IGFBP2: variants seen among roughly 807,000 people sequenced by gnomAD.
The protein encoded by IGFBP2 is insulin like growth factor binding protein 2, also known as insulin-like growth factor-binding protein 2.
In IGFBP2, 12 loss-of-function variants were observed where a neutral mutation model predicts 26.2. The observed-to-expected ratio is 0.46, with a 90% CI of 0.29 to 0.74. The LOEUF (loss-of-function observed/expected upper bound fraction) is 0.74. IGFBP2 is among the 30% of genes least tolerant of loss of function. IGFBP2 has a pLI of 0.09. For missense variants in IGFBP2, 328 were observed against 441.2 expected, an observed-to-expected ratio of 0.74 and a Z score of 2.30; for synonymous variants, 189 against 200.6, an observed-to-expected ratio of 0.94 and a Z score of 0.49.
intron 1 of IGFBP2, among the ~76,000 whole-genome samples, chr2:216,644,859 G>A (rs1309505785): frequency 6.6e-6 from 1 of 152,222 alleles, no homozygotes; most frequent in African/African-American, 2.4e-5. Flanking sequence ...GCACAGACCA[G>A]ATTGTAGTCT....
chr2:216,639,476 G>T (rs1161919189), intron 1 of IGFBP2, among the ~76,000 whole-genome samples: 1 of 152,122 alleles, frequency 6.6e-6, no homozygotes, highest in African/African-American at 2.4e-5. Context: ...ACAAAAAGGG[G>T]CTGTGAGGCC....
chr2:216,656,313 C>CCAGG (rs1697922285), intron 1 of IGFBP2, among the ~76,000 whole-genome samples: 1 of 152,170 alleles, frequency 6.6e-6, no homozygotes, highest in Non-Finnish European at 1.5e-5. Flanking sequence ...CTGTGCCCTG[C>CCAGG]CCCCAAGAAA....
intron 2 of IGFBP2, 47 bp from the exon 3 acceptor site, chr2:216,661,811 G>GGCCTGCTGTCCTCACTCCGGGCGTC (rs1468032129): frequency 6.2e-7 from 1 of 1,611,814 alleles, no homozygotes; most frequent in South Asian, 1.1e-5. Flanking sequence ...GTGCTTCGTG[G>GGCCTGCTGTCCTCACTCCGGGCGTC]GCCTGCTGTC....
At position 216,664,276 on chromosome 2, in the gene IGFBP2, C is replaced by CGGCGA; in HGVS notation, c.*172_*173insGGCGA. ...TCGGCACCTCCCCGGCCTCTCTCTT[C>CGGCGA]CCAGCTGCAGATGCCACACCTGCTC... On this transcript the variant is annotated 3_prime_UTR_variant, in exon 4 of 4. Coordinates refer to ENST00000233809, the MANE Select transcript of IGFBP2 (RefSeq NM_000597.3). This position sits in a 1 kb window ranked among gnomAD's most constrained non-coding sequence, Gnocchi z 4.6. 1.2e-5 allele frequency: 6 copies of CGGCGA among 493,910 alleles called. No individual in the cohort carries two copies. Among genetic ancestry groups the CGGCGA allele is most frequent in the South Asian group, 4.4e-5 (1 of 22,832 alleles). The allele number at this position is 493,910 out of a possible 1,614,324, so 30.6% of individuals were successfully genotyped here.
At chr2:216,648,957 A>G (rs1299978733) in intron 1 of IGFBP2, among the ~76,000 whole-genome samples, 1 of 152,214 alleles carries the variant, frequency 6.6e-6, no homozygotes, top group Non-Finnish European at 1.5e-5. Flanking sequence ...GAAAAGTACA[A>G]AGAACAATGT....
intron 1 of IGFBP2, among the ~76,000 whole-genome samples, chr2:216,639,713 G>A (rs1164757603): frequency 6.6e-6 from 1 of 152,102 alleles, no homozygotes; most frequent in Non-Finnish European, 1.5e-5. Context: ...CGCAATCTCG[G>A]TTCACGGCAA....
chr2:216,662,611 A>G (rs903258932), intron 3 of IGFBP2: 3 of 153,076 alleles, frequency 2.0e-5, no homozygotes, highest in African/African-American at 7.3e-5. Context: ...TCCCTCCTCT[A>G]TCCACCTTCT....
At chr2:216,634,109 G>A in intron 1 of IGFBP2, 144 bp downstream of exon 1, 1 of 1,319,408 alleles carries the variant, frequency 7.6e-7, no homozygotes, top group Non-Finnish European at 9.9e-7. Flanking sequence ...CTAGCGGGAC[G>A]CGGAAGTCAG....
intron 1 of IGFBP2, among the ~76,000 whole-genome samples, chr2:216,653,014 C>A (rs1011460869): frequency 2.0e-5 from 3 of 152,120 alleles, no homozygotes; most frequent in Admixed American, 6.6e-5. Context: ...AATGGTAAGT[C>A]TTTCTTCAGA....
In IGFBP2 at chr2:216,660,449, C is replaced by G; in HGVS notation, c.443-108C>G. On this transcript the variant is annotated intron_variant, in intron 1 of 3. Transcript: ENST00000233809. ...TGACAGGCCATCAGCACTCATTAGC[C>G]GCGCGTCATCTCCACCCTCATCATC... 4.0e-6 allele frequency: 3 copies of G among 746,038 alleles called. No individual in the cohort carries two copies. In the South Asian group the frequency reaches 5.6e-5, roughly 14 times the overall value. The allele number at this position is 746,038 out of a possible 1,614,324, so 46.2% of individuals were successfully genotyped here. A position where few individuals can be genotyped will look rare whatever the true frequency, so the allele number is the denominator to read the frequency against.
chr2:216,661,664 G>T (rs1202620944), intron 2 of IGFBP2, 194 bp from the exon 3 acceptor site: 8 of 667,274 alleles, frequency 1.2e-5, no homozygotes, highest in Non-Finnish European at 1.3e-5. Context: ...TTCTTTAGGG[G>T]CTGGGGTTGG....
intron 1 of IGFBP2, chr2:216,659,520 T>C: frequency 1.7e-6 from 1 of 597,032 alleles, no homozygotes. Flanking sequence ...GGCCCTGCCC[T>C]TCTGGAGCTT....
chr2:216,651,066 T>C (rs761531500), intron 1 of IGFBP2, among the ~76,000 whole-genome samples: 4 of 152,056 alleles, frequency 2.6e-5, no homozygotes, highest in Admixed American at 6.6e-5. Flanking sequence ...AGAATTCCAG[T>C]GTGAGAGGCC....
chr2:216,639,553 A>G (rs374618330), intron 1 of IGFBP2, among the ~76,000 whole-genome samples: 5 of 112,248 alleles, frequency 4.5e-5, no homozygotes, highest in African/African-American at 1.7e-4. Flanking sequence ...AAAGAAAAGA[A>G]AAAAGCTTGT....
At chr2:216,656,307 G>T (rs903750933) in intron 1 of IGFBP2, among the ~76,000 whole-genome samples, 7 of 152,224 alleles carry the variant, frequency 4.6e-5, no homozygotes, top group African/African-American at 1.4e-4. Context: ...AAGATCCTGT[G>T]CCCTGCCCCC....
chr2:216,639,756 C>T (rs1490398685), intron 1 of IGFBP2, among the ~76,000 whole-genome samples: 1 of 152,082 alleles, frequency 6.6e-6, no homozygotes. Flanking sequence ...AATTCTCCTG[C>T]CTCAGCCCCC....
At chr2:216,647,480 GCTTTT>G (rs1697732612) in intron 1 of IGFBP2, among the ~76,000 whole-genome samples, 1 of 152,014 alleles carries the variant, frequency 6.6e-6, no homozygotes, top group Non-Finnish European at 1.5e-5. Context: ...ACCCAGCAGT[GCTTTT>G]CTTTTTTAAA....
At chr2:216,655,071 AG>A (rs1697892551) in intron 1 of IGFBP2, among the ~76,000 whole-genome samples, 1 of 150,584 alleles carries the variant, frequency 6.6e-6, no homozygotes, top group East Asian at 1.9e-4. Flanking sequence ...TTTTTGAGAC[AG>A]GGGCTCACTC....
chr2:216,657,351 G>A (rs1697938978), intron 1 of IGFBP2, among the ~76,000 whole-genome samples: 1 of 152,196 alleles, frequency 6.6e-6, no homozygotes. Flanking sequence ...ATGGAAAGTT[G>A]ACTGAACCTG....
Sources: gnomAD v4.1 joint callset for allele counts (sites outside exome capture counted in the v4.1 genomes callset) on GRCh38, gnomAD v4.1.1 for gene constraint, Gnocchi (gnomAD v3.1) non-coding constraint, MANE v1.5 for transcripts, NCBI Gene and HGNC (gene_info 2026-07-23, HGNC 2026-07-21) for gene names.